Variants in LITAF observed in about 807,000 individuals in gnomAD.
LITAF encodes lipopolysaccharide induced TNF factor, also known as lipopolysaccharide-induced tumor necrosis factor-alpha factor.
Under a neutral mutation model 14.5 loss-of-function variants are expected in LITAF, and 9 were observed. The observed-to-expected ratio is 0.62, with a 90% CI of 0.37 to 1.08. The LOEUF (loss-of-function observed/expected upper bound fraction) is 1.08, where lower values mean the gene tolerates loss of function less well. Ranked by LOEUF, LITAF falls within the 50% of genes least tolerant of loss-of-function variation. The pLI is 0.01. For synonymous variants in LITAF, 98 were observed against 88.2 expected, an observed-to-expected ratio of 1.11 and a Z score of -0.62; for missense variants, 206 against 213.4, an observed-to-expected ratio of 0.97 and a Z score of 0.22.
chr16:11,604,739 A>T (rs2064946010), intron 3 of LITAF, among the ~76,000 whole-genome samples: 1 of 148,844 alleles, frequency 6.7e-6, no homozygotes, highest in Non-Finnish European at 1.5e-5. Context: ...TGCAATAGAT[A>T]TTGCTGGGCA....
upstream of LITAF, among the ~76,000 whole-genome samples, chr16:11,637,188 G>A (rs2141915419): frequency 6.6e-6 from 1 of 152,330 alleles, no homozygotes; most frequent in Non-Finnish European, 1.5e-5. Flanking sequence ...ACCGCGCCTG[G>A]TCTGCCTAAA....
At position 11,634,427 on chromosome 16, in the gene LITAF, A is replaced by T. The variant is rs139568834; in HGVS notation, c.-20-790T>A. ...GGTTACGAAGCTAAGGAATGAGAGA[A>T]AGCTAAATTCTGCTAAGGTGTAGAC... On this transcript the variant is annotated intron_variant, in intron 2 of 3. Coordinates refer to the LITAF transcript ENST00000574848. The surrounding 1 kb of genome is among the most constrained non-coding windows in gnomAD (Gnocchi z 4.1). 6.6e-6 allele frequency among the ~76,000 whole-genome samples: 1 copy of T among 152,362 alleles called. No individual in the cohort carries two copies. Among genetic ancestry groups the T allele is most frequent in the East Asian group, 1.9e-4 (1 of 5,192 alleles).
intron 3 of LITAF, among the ~76,000 whole-genome samples, chr16:11,608,559 T>A (rs2064966308): frequency 6.6e-6 from 1 of 152,192 alleles, no homozygotes; most frequent in Non-Finnish European, 1.5e-5. Context: ...ATCCGGTCTA[T>A]CCATACAACG....
chr16:11,551,191 A>G (rs780039113), intron 3 of LITAF, among the ~76,000 whole-genome samples: 8 of 152,230 alleles, frequency 5.3e-5, no homozygotes, highest in African/African-American at 1.7e-4. Flanking sequence ...TGAGGAAATT[A>G]TCTCATGAAA....
chr16:11,548,817 T>C lies in LITAF; in HGVS notation c.*820A>G. ...ATAGTAAGACCCCATCTCTGTTTTT[T>C]TTTAAAAAAAAGAAATTCTGTTCAA... On this transcript the variant is annotated 3_prime_UTR_variant, in exon 4 of 4. Coordinates refer to ENST00000622633, the MANE Select transcript of LITAF (RefSeq NM_001136472.2). 2.2e-6 allele frequency: 1 copy of C among 453,074 alleles called. No homozygotes were observed. Among genetic ancestry groups the C allele is most frequent in the Non-Finnish European group, 4.4e-6 (1 of 226,590 alleles). The allele number at this position is 453,074 out of a possible 1,614,324, so 28.1% of individuals were successfully genotyped here. A position where few individuals can be genotyped will look rare whatever the true frequency, so the allele number is the denominator to read the frequency against.
chr16:11,638,623 C>T (rs2065152327), upstream of LITAF, among the ~76,000 whole-genome samples: 1 of 146,898 alleles, frequency 6.8e-6, no homozygotes, highest in Non-Finnish European at 1.5e-5. Context: ...ATCATTTGAA[C>T]CCAGGAGGTG....
In LITAF at chr16:11,548,650, T is replaced by G. The variant is rs1225580894; in HGVS notation, c.*987A>C. On this transcript the variant is annotated 3_prime_UTR_variant, in exon 4 of 4. Transcript: ENST00000622633. ...GGGAAAATGACACCAATCATTTGAT[T>G]ACAGAAAATGGTTTTATAAATCCTC... The G allele has an allele frequency of 2.2e-6, 1 of 453,526 alleles. No individual in the cohort carries two copies. Among genetic ancestry groups the G allele is most frequent in the Non-Finnish European group, 4.4e-6 (1 of 226,716 alleles). The allele number at this position is 453,526 out of a possible 1,614,324, so 28.1% of individuals were successfully genotyped here.
Position 11,634,864 on chromosome 16 carries a change from T to C in LITAF, c.-21+961A>G, listed in dbSNP as rs2065131857. 1.3e-5 allele frequency among the ~76,000 whole-genome samples: 2 copies of C among 152,000 alleles called. 1 individual carries two copies. Among genetic ancestry groups the C allele is most frequent in the South Asian group, 4.2e-4 (2 of 4,814 alleles). On this transcript the variant is annotated intron_variant, in intron 2 of 3. Coordinates refer to the LITAF transcript ENST00000574848. The surrounding 1 kb of genome is among the most constrained non-coding windows in gnomAD (Gnocchi z 4.1). ...GCCTGGCTAACCTGGTGAAACCCCG[T>C]CTCTACTAAAAATGCAAAAACTAGC...
chr16:11,587,991 T>C (rs1201360665), upstream of LITAF, among the ~76,000 whole-genome samples: 1 of 152,014 alleles, frequency 6.6e-6, no homozygotes, highest in Admixed American at 6.6e-5. Context: ...GTCCTAAAGA[T>C]AGTGAGGCCC....
At position 11,605,660 on chromosome 16, in the gene LITAF, G is replaced by A. The variant is rs371477746; in HGVS notation, c.85+27873C>T. On this transcript the variant is annotated intron_variant, in intron 3 of 3. Transcript: ENST00000574848. The surrounding 1 kb of genome is among the most constrained non-coding windows in gnomAD (Gnocchi z 4.7). ...AGTAAAGCAGCAGCCAGCCGGGCAC[G>A]GAGGCCAAGGCAGGAGGATCGCTGG... Among the ~76,000 whole-genome samples the A allele has an allele frequency of 2.6e-5, 4 of 152,352 alleles. No individual in the cohort carries two copies. The highest frequency in any genetic ancestry group is 5.9e-5 in the Non-Finnish European group (4 of 68,030).
chr16:11,591,613 C>A (rs1314487371), upstream of LITAF, among the ~76,000 whole-genome samples: 1 of 152,028 alleles, frequency 6.6e-6, no homozygotes, highest in African/African-American at 2.4e-5. Flanking sequence ...TATCTATGAT[C>A]AATGAATGCC....
chr16:11,625,220 C>T (rs1384554743), intron 3 of LITAF, among the ~76,000 whole-genome samples: 1 of 150,806 alleles, frequency 6.6e-6, no homozygotes. Flanking sequence ...CACTGTGGTC[C>T]GGTGTGATGG....
chr16:11,593,743 G>C (rs1283706875), intron 1 of LITAF, among the ~76,000 whole-genome samples: 1 of 152,160 alleles, frequency 6.6e-6, no homozygotes, highest in African/African-American at 2.4e-5. Flanking sequence ...AATGAAACCA[G>C]ACACCAAAAA....
At position 11,549,053 on chromosome 16, in the gene LITAF, T is replaced by TA; in HGVS notation, c.*583_*584insT. On this transcript the variant is annotated 3_prime_UTR_variant, in exon 4 of 4. Coordinates refer to ENST00000622633, the MANE Select transcript of LITAF (RefSeq NM_001136472.2). The surrounding 1 kb of genome is among the most constrained non-coding windows in gnomAD (Gnocchi z 4.6). ...GGTGTTAATAGCCCCCTCCTTGTATTTAAAAAAAAAATTAAGAAATTAAAG... is the reference window on the plus strand; with the variant it reads ...GGTGTTAATAGCCCCCTCCTTGTATTATAAAAAAAAAATTAAGAAATTAAAG... 2.3e-6 allele frequency: 1 copy of TA among 430,746 alleles called. No individual in the cohort carries two copies. Among genetic ancestry groups the TA allele is most frequent in the Non-Finnish European group, 4.6e-6 (1 of 218,604 alleles). 26.7% of individuals were successfully genotyped at this position (430,746 alleles called of 1,614,324 possible).
upstream of LITAF, among the ~76,000 whole-genome samples, chr16:11,588,045 C>T (rs2064825440): frequency 6.6e-6 from 1 of 152,038 alleles, no homozygotes; most frequent in African/African-American, 2.4e-5. Flanking sequence ...GCAAAGTGTC[C>T]CCAGCCCCAA....
chr16:11,573,778 T>C (rs1463541034), intron 1 of LITAF, among the ~76,000 whole-genome samples: 1 of 146,150 alleles, frequency 6.8e-6, no homozygotes, highest in Non-Finnish European at 1.5e-5. Context: ...CTCGACTCAC[T>C]GCAACCTCCA....
At chr16:11,576,050 T>C (rs1818305260) in intron 1 of LITAF, among the ~76,000 whole-genome samples, 1 of 152,138 alleles carries the variant, frequency 6.6e-6, no homozygotes, top group Non-Finnish European at 1.5e-5. Context: ...TTAGCTAGTT[T>C]TTTTAATTTT....
At chr16:11,550,433 G>A (rs762260099) in intron 3 of LITAF, among the ~76,000 whole-genome samples, 4 of 152,142 alleles carry the variant, frequency 2.6e-5, no homozygotes, top group Non-Finnish European at 4.4e-5. Flanking sequence ...CTAGAATTGT[G>A]AGAGTTAATA....
chr16:11,563,880 A>C (rs1344187615), intron 1 of LITAF, among the ~76,000 whole-genome samples: 1 of 152,016 alleles, frequency 6.6e-6, no homozygotes, highest in Non-Finnish European at 1.5e-5. Flanking sequence ...CGTGCTTGTC[A>C]ACCCAGACAG....
Sources: gnomAD v4.1 joint callset for allele counts (sites outside exome capture counted in the v4.1 genomes callset) on GRCh38, gnomAD v4.1.1 for gene constraint, Gnocchi (gnomAD v3.1) non-coding constraint, MANE v1.5 for transcripts, NCBI Gene and HGNC (gene_info 2026-07-23, HGNC 2026-07-21) for gene names.